KCNJ12: variants seen among roughly 807,000 people sequenced by gnomAD.
KCNJ12 encodes potassium inwardly rectifying channel subfamily J member 12, also known as ATP-sensitive inward rectifier potassium channel 12.
In KCNJ12, 2 loss-of-function variants were observed where a neutral mutation model predicts 22.3. That is an observed-to-expected ratio of 0.09 (90% CI 0.04 to 0.28). The LOEUF (loss-of-function observed/expected upper bound fraction) is 0.28. KCNJ12 is among the 10% of genes least tolerant of loss of function. KCNJ12 has a pLI of 1.00. For missense variants in KCNJ12, 155 were observed against 633.3 expected (o/e 0.24, Z 8.11); for synonymous variants, 117 against 261.4 (o/e 0.45, Z 5.33).
In KCNJ12 at chr17:21,383,557, C is replaced by T. The variant is rs527251389; in HGVS notation, c.-179+6644C>T. ...GCTCAAAAGTGGGGCTTCTGACAGT[C>T]TTGGGTCTTGTGGAAATAGGGCCTG... On this transcript the variant is annotated intron_variant, in intron 1 of 2. Coordinates refer to ENST00000583088, the MANE Select transcript of KCNJ12 (RefSeq NM_021012.5). 2.0e-5 allele frequency among the ~76,000 whole-genome samples: 3 copies of T among 152,314 alleles called. No individual in the cohort carries two copies. The East Asian group carries it at 5.8e-4, about 29-fold the overall frequency.
rs1190114564 is a variant in KCNJ12 at position 21,378,168 on chromosome 17, C to G, written c.-179+1255C>G. Among the ~76,000 whole-genome samples the G allele has an allele frequency of 2.0e-5, 3 of 152,224 alleles. No homozygotes were observed. The East Asian group carries it at 5.8e-4, about 29-fold the overall frequency. On this transcript the variant is annotated intron_variant, in intron 1 of 2. Transcript: ENST00000583088. ...TGCCAAAGGAGAGCCGGTCCCTGGC[C>G]GCGCGGCTGGACCCCAGCCTCCCTC... is the stretch of plus-strand genomic sequence containing the variant.
chr17:21,402,236 A>G (rs1467867749), intron 1 of KCNJ12, among the ~76,000 whole-genome samples: 1 of 152,296 alleles, frequency 6.6e-6, no homozygotes, highest in African/African-American at 2.4e-5. Context: ...CTCTTCCCTC[A>G]TTCTCTTCTC....
intron 1 of KCNJ12, among the ~76,000 whole-genome samples, chr17:21,391,197 G>A (rs1180217794): frequency 6.6e-6 from 1 of 152,198 alleles, no homozygotes; most frequent in Non-Finnish European, 1.5e-5. Context: ...CTGCCTGCCC[G>A]TTTGTCATGG....
chr17:21,415,246 A>T, intron 2 of KCNJ12, 41 bp from the exon 3 acceptor site: 7 of 1,528,920 alleles, frequency 4.6e-6, no homozygotes, highest in Non-Finnish European at 6.1e-6. Flanking sequence ...AGGAGCCCGG[A>T]GCCACCAGCC....
At chr17:21,400,421 G>C (rs1905537905) in intron 1 of KCNJ12, among the ~76,000 whole-genome samples, 1 of 152,298 alleles carries the variant, frequency 6.6e-6, no homozygotes, top group African/African-American at 2.4e-5. Context: ...CCTGTAGCCG[G>C]AATCTCCTGT....
At chr17:21,381,386 G>GT (rs1390155363) in intron 1 of KCNJ12, among the ~76,000 whole-genome samples, 4 of 152,120 alleles carry the variant, frequency 2.6e-5, no homozygotes, top group Non-Finnish European at 5.9e-5. Flanking sequence ...CACTCTGGGT[G>GT]TCAGGGCCCT....
At chr17:21,378,797 C>A (rs1407861985) in intron 1 of KCNJ12, among the ~76,000 whole-genome samples, 1 of 152,062 alleles carries the variant, frequency 6.6e-6, no homozygotes, top group Non-Finnish European at 1.5e-5. Flanking sequence ...CTGGGAGGGG[C>A]AGGACCTGAG....
chr17:21,379,200 T>C (rs1555557634), intron 1 of KCNJ12, among the ~76,000 whole-genome samples: 1 of 152,216 alleles, frequency 6.6e-6, no homozygotes. Context: ...CGGTTCTGCC[T>C]ATGGGCAGTT....
intron 1 of KCNJ12, among the ~76,000 whole-genome samples, chr17:21,400,524 A>T (rs1288446435): frequency 6.6e-6 from 1 of 152,298 alleles, no homozygotes; most frequent in Non-Finnish European, 1.5e-5. Flanking sequence ...CACCCCGCAC[A>T]GAGCCTCAAA....
At chr17:21,400,344 T>C (rs76279969) in intron 1 of KCNJ12, among the ~76,000 whole-genome samples, 2 of 152,306 alleles carry the variant, frequency 1.3e-5, no homozygotes, top group African/African-American at 2.4e-5. Flanking sequence ...GACTCTGCTC[T>C]TGTTTCCAGC....
chr17:21,392,422 C>T (rs1375225933), intron 1 of KCNJ12, among the ~76,000 whole-genome samples: 3 of 152,256 alleles, frequency 2.0e-5, no homozygotes, highest in African/African-American at 4.8e-5. Context: ...GACAAGGACA[C>T]GCCCCCCAAC....
At position 21,416,456 on chromosome 17, in the gene KCNJ12, G is replaced by A. The variant is rs377399304; in HGVS notation, c.1114G>A (p.Ala372Thr). The A allele has an allele frequency of 2.4e-5, 38 of 1,613,970 alleles. No homozygotes were observed. Among genetic ancestry groups the A allele is most frequent in the South Asian group, 3.3e-5 (3 of 91,094 alleles). ...LVENKFLLPS[A>T]NSFCYENELA... The stretch of plus-strand genomic sequence containing the variant: ...AGAGAACAAGTTCCTGCTGCCCAGC[G>A]CCAACTCCTTCTGCTACGAGAACGA... Residue 372 changes from alanine to threonine, a missense_variant, in exon 3 of 3, where the codon GCC (alanine) becomes ACC (threonine). By Grantham distance (58) the Ala-to-Thr change is moderately conservative (BLOSUM62 0). Transcript: ENST00000583088.
intron 1 of KCNJ12, among the ~76,000 whole-genome samples, chr17:21,403,547 C>T (rs1555560764): frequency 6.6e-6 from 1 of 152,194 alleles, no homozygotes; most frequent in Non-Finnish European, 1.5e-5. Flanking sequence ...GGAAAATTTA[C>T]AGCTGTATGA....
chr17:21,376,756 AG>A lies in KCNJ12; in HGVS notation c.-335del, dbSNP rs1567694021. The A allele has an allele frequency of 7.0e-6, 1 of 143,332 alleles. No homozygotes were observed. Among genetic ancestry groups the A allele is most frequent in the African/African-American group, 2.8e-5 (1 of 36,062 alleles). The allele number at this position is 143,332 out of a possible 1,614,324, so 8.9% of individuals were successfully genotyped here. On this transcript the variant is annotated 5_prime_UTR_variant, in exon 1 of 3. Transcript: ENST00000583088. This position sits in a 1 kb window ranked among gnomAD's most constrained non-coding sequence, Gnocchi z 5.3. ...TGGACCAGGGCGATCCGCTTTGCAG[AG>A]AAGACGCGCCCCTCGGCATGGAGCG... is the stretch of plus-strand genomic sequence containing the variant.
At chr17:21,397,848 G>A (rs920344831) in intron 1 of KCNJ12, among the ~76,000 whole-genome samples, 1 of 152,218 alleles carries the variant, frequency 6.6e-6, no homozygotes, top group Admixed American at 6.5e-5. Flanking sequence ...CGCACAGCAG[G>A]GATTAGCAAG....
In KCNJ12 at chr17:21,396,201, G is replaced by T. The variant is rs543839988; in HGVS notation, c.-178-12318G>T. ...GGCTCTCGAGAACTTGCTGAGGCTA[G>T]AGCTGAGTGCTACATGCACCTGGAC... On this transcript the variant is annotated intron_variant, in intron 1 of 2. Coordinates refer to ENST00000583088, the MANE Select transcript of KCNJ12 (RefSeq NM_021012.5). Among the ~76,000 whole-genome samples, 9 of 152,326 alleles carry T rather than the reference G, an allele frequency of 5.9e-5. No individual in the cohort carries two copies. The East Asian group carries it at 1.7e-3, about 29-fold the overall frequency.
At chr17:21,392,801 G>A (rs1473083118) in intron 1 of KCNJ12, among the ~76,000 whole-genome samples, 6 of 152,262 alleles carry the variant, frequency 3.9e-5, no homozygotes, top group Admixed American at 1.3e-4. Flanking sequence ...TGGAAGGCCT[G>A]AAGGTGGGTG....
chr17:21,390,357 G>A (rs1217692831), intron 1 of KCNJ12, among the ~76,000 whole-genome samples: 2 of 152,214 alleles, frequency 1.3e-5, no homozygotes, highest in Admixed American at 6.5e-5. Context: ...GCCCCAGGAC[G>A]CTCCAAGGCA....
At chr17:21,411,026 C>G (rs1238262065) in intron 2 of KCNJ12, among the ~76,000 whole-genome samples, 3 of 152,306 alleles carry the variant, frequency 2.0e-5, no homozygotes, top group African/African-American at 7.2e-5. Flanking sequence ...GCGCCTCCCC[C>G]TCCGAGTCCC....
Sources: allele counts gnomAD v4.1 joint callset (sites outside exome capture counted in the v4.1 genomes callset), GRCh38; gene constraint gnomAD v4.1.1; non-coding constraint Gnocchi (gnomAD v3.1); transcripts MANE v1.5; gene names NCBI Gene and HGNC (gene_info 2026-07-23, HGNC 2026-07-21).